The following FHIT variants were observed in gnomAD, a reference collection of about 807,000 sequenced individuals.
The protein encoded by FHIT is bis(5'-adenosyl)-triphosphatase.
FHIT carries 19 observed loss-of-function variants against 17.9 expected under a neutral mutation model. That is an observed-to-expected ratio of 1.06 (90% CI 0.74 to 1.56). FHIT has a LOEUF of 1.56. FHIT is among the 40% of genes most tolerant of loss of function. FHIT has a pLI of 0.00. For missense variants in FHIT, 248 were observed against 189.2 expected, an observed-to-expected ratio of 1.31 and a Z score of -1.82; for synonymous variants, 81 against 69.7, an observed-to-expected ratio of 1.16 and a Z score of -0.81.
chr3:60,886,765 C>T (rs1475900352), intron 3 of FHIT, among the ~76,000 whole-genome samples: 1 of 152,122 alleles, frequency 6.6e-6, no homozygotes, highest in Non-Finnish European at 1.5e-5. Context: ...CAGGAAGAAG[C>T]TATTCTTGAA....
At chr3:59,807,397 C>A (rs1048325535) in intron 8 of FHIT, among the ~76,000 whole-genome samples, 6 of 152,148 alleles carry the variant, frequency 3.9e-5, no homozygotes, top group African/African-American at 1.4e-4. Context: ...TATGGGGTGT[C>A]ATCAGCAAGA....
intron 5 of FHIT, among the ~76,000 whole-genome samples, chr3:60,518,994 G>C (rs1341396202): frequency 6.6e-6 from 1 of 152,190 alleles, no homozygotes; most frequent in African/African-American, 2.4e-5. Flanking sequence ...AACAGAGTGA[G>C]ACTGTCTAAA....
intron 4 of FHIT, among the ~76,000 whole-genome samples, chr3:60,544,141 C>G (rs1053247716): frequency 7.3e-5 from 11 of 151,436 alleles, no homozygotes; most frequent in Non-Finnish European, 1.2e-4. Flanking sequence ...TTTCATGTTT[C>G]TTTGTCATAC....
intron 5 of FHIT, among the ~76,000 whole-genome samples, chr3:60,476,795 C>G (rs138264546): frequency 2.0e-5 from 3 of 151,560 alleles, no homozygotes; most frequent in Non-Finnish European, 4.4e-5. Context: ...CTGGCCTTGT[C>G]GGAGGTACTT....
At chr3:60,919,537 G>A (rs991683396) in intron 3 of FHIT, among the ~76,000 whole-genome samples, 22 of 151,970 alleles carry the variant, frequency 1.4e-4, no homozygotes, top group African/African-American at 4.8e-4. Context: ...AAGGATTAAT[G>A]CAATACCCAG....
At chr3:60,967,004 G>C (rs1709778119) in intron 3 of FHIT, among the ~76,000 whole-genome samples, 1 of 152,124 alleles carries the variant, frequency 6.6e-6, no homozygotes, top group Non-Finnish European at 1.5e-5. Flanking sequence ...TTCCACAATG[G>C]TCAGTATGGG....
At chr3:59,790,662 C>T (rs535509412) in intron 8 of FHIT, among the ~76,000 whole-genome samples, 25 of 152,198 alleles carry the variant, frequency 1.6e-4, no homozygotes, top group African/African-American at 5.5e-4. Flanking sequence ...TGTGCTGTAA[C>T]CCTACTATAA....
At chr3:60,109,690 C>A (rs1704587601) in intron 5 of FHIT, among the ~76,000 whole-genome samples, 1 of 152,106 alleles carries the variant, frequency 6.6e-6, no homozygotes, top group African/African-American at 2.4e-5. Context: ...AGTACTGAGA[C>A]TTACCAAGAA....
At chr3:59,944,419 A>G (rs1203448842) in intron 7 of FHIT, among the ~76,000 whole-genome samples, 1 of 152,030 alleles carries the variant, frequency 6.6e-6, no homozygotes. Flanking sequence ...AAGACTGGCA[A>G]CCCCACAACC....
chr3:60,010,934 C>A (rs1298937463), intron 7 of FHIT, among the ~76,000 whole-genome samples: 1 of 152,006 alleles, frequency 6.6e-6, no homozygotes, highest in Non-Finnish European at 1.5e-5. Context: ...CAGCTTGATG[C>A]TACTGCTGCG....
At chr3:59,865,673 G>A (rs1702613029) in intron 8 of FHIT, among the ~76,000 whole-genome samples, 1 of 151,986 alleles carries the variant, frequency 6.6e-6, no homozygotes, top group Non-Finnish European at 1.5e-5. Flanking sequence ...CTACTTTATG[G>A]CTCCTCTGCA....
intron 4 of FHIT, among the ~76,000 whole-genome samples, chr3:60,653,038 A>G (rs990096316): frequency 3.3e-5 from 5 of 152,148 alleles, no homozygotes; most frequent in African/African-American, 7.2e-5. Context: ...TATTCACAAG[A>G]CCCACCCACT....
intron 5 of FHIT, among the ~76,000 whole-genome samples, chr3:60,076,012 C>T (rs1452019580): frequency 6.6e-6 from 1 of 152,050 alleles, no homozygotes; most frequent in African/African-American, 2.4e-5. Context: ...GCAATTGTTA[C>T]TTGGGCTGAA....
intron 4 of FHIT, among the ~76,000 whole-genome samples, chr3:60,623,592 C>T (rs548739908): frequency 5.9e-5 from 9 of 152,268 alleles, no homozygotes; most frequent in East Asian, 5.8e-4. Flanking sequence ...AGTCAAGAGC[C>T]TTTATGACTT....
At chr3:59,784,435 A>T (rs1187812588) in intron 8 of FHIT, among the ~76,000 whole-genome samples, 1 of 152,180 alleles carries the variant, frequency 6.6e-6, no homozygotes, top group African/African-American at 2.4e-5. Context: ...TTCGGATAAA[A>T]TCCCAACTCC....
In FHIT at chr3:59,908,227, G is replaced by A. The variant is rs141545248; in HGVS notation, c.348+14119C>T. Among the ~76,000 whole-genome samples the A allele has an allele frequency of 1.9e-3, 294 of 152,346 alleles. 6 individuals carry two copies. In the East Asian group the frequency reaches 0.031, roughly 16 times the overall value. ...GAGACTCTAAGAGTAGATTGAATGTGCATTCAGCTTTTTCCATCCAGAATT... is the reference window on the plus strand; with the variant it reads ...GAGACTCTAAGAGTAGATTGAATGTACATTCAGCTTTTTCCATCCAGAATT... On this transcript the variant is annotated intron_variant, in intron 8 of 9. Transcript: ENST00000492590.
chr3:60,749,714 A>G (rs1168642826), intron 4 of FHIT, among the ~76,000 whole-genome samples: 2 of 152,238 alleles, frequency 1.3e-5, no homozygotes, highest in African/African-American at 4.8e-5. Context: ...ACGTGGAACC[A>G]GAAAACCAGA....
intron 5 of FHIT, among the ~76,000 whole-genome samples, chr3:60,307,140 C>G (rs886160584): frequency 1.3e-5 from 2 of 152,182 alleles, no homozygotes; most frequent in African/African-American, 4.8e-5. Flanking sequence ...TGCAGACACG[C>G]TGACTGCAAT....
chr3:59,829,254 G>T (rs1701081986), intron 8 of FHIT, among the ~76,000 whole-genome samples: 1 of 152,018 alleles, frequency 6.6e-6, no homozygotes, highest in Non-Finnish European at 1.5e-5. Context: ...ACTTATCTTT[G>T]GTCTATATGG....
Sources: allele counts gnomAD v4.1 joint callset (sites outside exome capture counted in the v4.1 genomes callset), GRCh38; gene constraint gnomAD v4.1.1; transcripts MANE v1.5; gene names NCBI Gene and HGNC (gene_info 2026-07-23, HGNC 2026-07-21).